Variants in SUMF1 observed in about 807,000 individuals in gnomAD.
SUMF1 encodes sulfatase modifying factor 1.
Under a neutral mutation model 47.6 loss-of-function variants are expected in SUMF1, and 48 were observed. That is an observed-to-expected ratio of 1.01 (90% CI 0.80 to 1.28). SUMF1 has a LOEUF of 1.28. Among genes scored for constraint, SUMF1 ranks in the 50% most tolerant of loss-of-function variants. SUMF1 has a pLI of 0.00. For missense variants in SUMF1, 571 were observed against 485.4 expected, an observed-to-expected ratio of 1.18 and a Z score of -1.66; for synonymous variants, 230 against 192.1, an observed-to-expected ratio of 1.20 and a Z score of -1.63.
At chr3:4,229,610 A>T (rs2124981099) in intron 8 of SUMF1, among the ~76,000 whole-genome samples, 1 of 152,284 alleles carries the variant, frequency 6.6e-6, no homozygotes, top group Non-Finnish European at 1.5e-5. Context: ...CATTTAATAA[A>T]TTCCAATTAT....
chr3:4,178,654 C>T (rs1339420653), intron 8 of SUMF1, among the ~76,000 whole-genome samples: 1 of 152,172 alleles, frequency 6.6e-6, no homozygotes, highest in African/African-American at 2.4e-5. Context: ...GCTCTCTCAC[C>T]ACTCCTATTC....
intron 2 of SUMF1, 138 bp from the exon 3 acceptor site, chr3:4,449,478 C>T: frequency 1.1e-6 from 1 of 880,942 alleles, no homozygotes; most frequent in South Asian, 1.4e-5. Context: ...TCCCAGAGGA[C>T]TCAGAAATGA....
In SUMF1 at chr3:4,267,382, G is replaced by A. The variant is rs1697217662; in HGVS notation, c.1014+108948C>T. Among the ~76,000 whole-genome samples the A allele has an allele frequency of 2.0e-5, 3 of 152,176 alleles. No individual in the cohort carries two copies. In the South Asian group the frequency reaches 6.3e-4, roughly 32 times the overall value. On this transcript the variant is annotated intron_variant and NMD_transcript_variant, in intron 8 of 12. Transcript: ENST00000448413. ...GACTCTATTTGGTTGGTAAAGTATT[G>A]ATTATTACCGCAATTTCAGCTCCTG... is the stretch of plus-strand genomic sequence containing the variant.
At chr3:4,380,340 A>G (rs1462906809) in intron 7 of SUMF1, among the ~76,000 whole-genome samples, 1 of 152,218 alleles carries the variant, frequency 6.6e-6, no homozygotes, top group Admixed American at 6.5e-5. Flanking sequence ...CAAATACCGC[A>G]TGTTCTCACT....
intron 8 of SUMF1, among the ~76,000 whole-genome samples, chr3:4,247,819 T>G (rs1212260094): frequency 6.6e-6 from 1 of 152,176 alleles, no homozygotes; most frequent in Non-Finnish European, 1.5e-5. Context: ...AACCAAGATT[T>G]CGATGAAGTA....
intron 1 of SUMF1, among the ~76,000 whole-genome samples, chr3:4,463,973 G>A (rs1269366656): frequency 2.0e-5 from 3 of 152,066 alleles, no homozygotes; most frequent in African/African-American, 7.2e-5. Flanking sequence ...TAACTTTCTA[G>A]TGAAACTGAA....
chr3:4,416,732 C>T (rs1701725297), intron 6 of SUMF1, among the ~76,000 whole-genome samples: 2 of 83,358 alleles, frequency 2.4e-5, no homozygotes, highest in South Asian at 5.7e-4. Flanking sequence ...CATGCAAATG[C>T]CTTGGCGCAC....
chr3:4,207,438 T>A (rs920368038), intron 8 of SUMF1, among the ~76,000 whole-genome samples: 6 of 152,152 alleles, frequency 3.9e-5, no homozygotes, highest in Non-Finnish European at 8.8e-5. Flanking sequence ...TTCAGGCTTT[T>A]AATATTAACC....
At chr3:4,246,327 AC>A (rs745586219) in intron 8 of SUMF1, among the ~76,000 whole-genome samples, 4 of 148,432 alleles carry the variant, frequency 2.7e-5, no homozygotes, top group Admixed American at 1.3e-4. Flanking sequence ...TGCAGAAATC[AC>A]CCGTTTTCTG....
intron 8 of SUMF1, among the ~76,000 whole-genome samples, chr3:4,212,117 G>A (rs921854049): frequency 4.6e-5 from 7 of 152,170 alleles, no homozygotes; most frequent in African/African-American, 1.7e-4. Flanking sequence ...GTCCCTGACC[G>A]CCGTGTATCC....
At chr3:4,061,413 C>A (rs1417827836) in intron 9 of SUMF1, among the ~76,000 whole-genome samples, 1 of 152,144 alleles carries the variant, frequency 6.6e-6, no homozygotes, top group Non-Finnish European at 1.5e-5. Flanking sequence ...CTCCCTGCTT[C>A]CTGCTGACCA....
At chr3:4,101,241 T>G (rs184217403) in intron 8 of SUMF1, among the ~76,000 whole-genome samples, 1 of 152,136 alleles carries the variant, frequency 6.6e-6, no homozygotes, top group African/African-American at 2.4e-5. Flanking sequence ...GAAAACAACC[T>G]GTGTCCATCA....
intron 8 of SUMF1, among the ~76,000 whole-genome samples, chr3:4,084,476 G>A (rs1374325701): frequency 6.6e-6 from 1 of 152,122 alleles, no homozygotes; most frequent in East Asian, 1.9e-4. Context: ...ATCTGCTTGA[G>A]AAATTACATA....
At chr3:4,276,508 C>T (rs1435508578) in intron 8 of SUMF1, among the ~76,000 whole-genome samples, 2 of 152,116 alleles carry the variant, frequency 1.3e-5, no homozygotes, top group East Asian at 3.9e-4. Context: ...ATCATTTGTA[C>T]CACCAGCTCC....
At position 4,036,070 on chromosome 3, in the gene SUMF1, T is replaced by C. The variant is rs537189986; in HGVS notation, c.1191+32499A>G. Among the ~76,000 whole-genome samples the C allele has an allele frequency of 5.9e-5, 9 of 152,246 alleles. No homozygotes were observed. In the East Asian group the frequency reaches 1.7e-3, roughly 29 times the overall value. On this transcript the variant is annotated intron_variant and NMD_transcript_variant, in intron 9 of 12. Coordinates refer to the SUMF1 transcript ENST00000448413. ...TATTTACTACATCAGGAGATTGCTATTAGTGTTTAAAAAAATAATGAATGT... is the reference window on the plus strand; with the variant it reads ...TATTTACTACATCAGGAGATTGCTACTAGTGTTTAAAAAAATAATGAATGT...
chr3:4,342,643 C>A (rs1699295202), intron 8 of SUMF1, among the ~76,000 whole-genome samples: 1 of 152,200 alleles, frequency 6.6e-6, no homozygotes, highest in Non-Finnish European at 1.5e-5. Context: ...TTACAGAATT[C>A]CACAGTGGAA....
intron 9 of SUMF1, among the ~76,000 whole-genome samples, chr3:4,039,931 G>C (rs763000141): frequency 2.6e-5 from 4 of 152,080 alleles, no homozygotes; most frequent in Middle Eastern, 3.2e-3. Flanking sequence ...CCTGAGATAG[G>C]AGGATCACTT....
intron 8 of SUMF1, among the ~76,000 whole-genome samples, chr3:4,172,702 G>GT (rs1022667777): frequency 6.7e-5 from 10 of 149,912 alleles, no homozygotes; most frequent in African/African-American, 2.5e-4. Context: ...TGTTTTTTTT[G>GT]TTTTTTGGGG....
At chr3:4,216,699 CA>C (rs1252413731) in intron 8 of SUMF1, among the ~76,000 whole-genome samples, 1 of 152,088 alleles carries the variant, frequency 6.6e-6, no homozygotes, top group Non-Finnish European at 1.5e-5. Context: ...AAAAAGTGGG[CA>C]AAGGATATGA....
Sources: allele counts gnomAD v4.1 joint callset (sites outside exome capture counted in the v4.1 genomes callset), GRCh38; gene constraint gnomAD v4.1.1; transcripts MANE v1.5; gene names NCBI Gene and HGNC (gene_info 2026-07-23, HGNC 2026-07-21).